The following FAP variants were observed in gnomAD, a reference collection of about 807,000 sequenced individuals.
FAP encodes prolyl endopeptidase FAP.
Under a neutral mutation model 126.5 loss-of-function variants are expected in FAP, and 110 were observed. That is an observed-to-expected ratio of 0.87 (90% CI 0.74 to 1.02). The LOEUF (loss-of-function observed/expected upper bound fraction) is 1.02, where lower values mean the gene tolerates loss of function less well. Among genes scored for constraint, FAP ranks in the 50% least tolerant of loss-of-function variants. The pLI is 0.00. For synonymous variants in FAP, 334 were observed against 297.3 expected, an observed-to-expected ratio of 1.12 and a Z score of -1.27; for missense variants, 919 against 909.2, an observed-to-expected ratio of 1.01 and a Z score of -0.14.
intron 2 of FAP, among the ~76,000 whole-genome samples, chr2:162,229,418 A>G (rs1170836240): frequency 1.3e-5 from 2 of 152,164 alleles, no homozygotes; most frequent in African/African-American, 4.8e-5. Context: ...TTTGAGAAAC[A>G]CAGTTCCAGA....
intron 21 of FAP, among the ~76,000 whole-genome samples, chr2:162,179,810 A>ATTTT (rs1186933075): frequency 0.038 from 4,114 of 106,900 alleles, 264 homozygotes; most frequent in African/African-American, 0.12. Flanking sequence ...ATATATATAT[A>ATTTT]TATTTTTTTT....
At chr2:162,174,061 C>A (rs1687402657) in intron 22 of FAP, among the ~76,000 whole-genome samples, 2 of 152,114 alleles carry the variant, frequency 1.3e-5, no homozygotes, top group Admixed American at 6.6e-5. Flanking sequence ...ATATTTTTCA[C>A]TTCTACCCTC....
chr2:162,227,461 A>G (rs912041115), intron 2 of FAP, among the ~76,000 whole-genome samples: 4 of 152,154 alleles, frequency 2.6e-5, no homozygotes, highest in African/African-American at 9.7e-5. Flanking sequence ...TAATAAGGCA[A>G]CCAAAGCCCA....
At chr2:162,186,756 A>G (rs1687878406) in intron 20 of FAP, among the ~76,000 whole-genome samples, 1 of 152,088 alleles carries the variant, frequency 6.6e-6, no homozygotes, top group African/African-American at 2.4e-5. Flanking sequence ...TTAAATGCAA[A>G]TAGATGTGAG....
In FAP at chr2:162,186,265, T is replaced by C. The variant is rs557704458; in HGVS notation, c.1814+1904A>G. Among the ~76,000 whole-genome samples, 4 of 152,306 alleles carry C rather than the reference T, an allele frequency of 2.6e-5. No individual in the cohort carries two copies. The South Asian group carries it at 8.3e-4, about 32-fold the overall frequency. On this transcript the variant is annotated intron_variant, in intron 20 of 25. Coordinates refer to ENST00000188790, the MANE Select transcript of FAP (RefSeq NM_004460.5). ...TATGGGTGAACATATGTTTTCCCTATAGCAGGAAGACTTTCTTCAGATTCC... is the reference window on the plus strand; with the variant it reads ...TATGGGTGAACATATGTTTTCCCTACAGCAGGAAGACTTTCTTCAGATTCC...
At chr2:162,242,762 A>G (rs1385448967) in intron 2 of FAP, 146 bp downstream of exon 2, 1 of 631,060 alleles carries the variant, frequency 1.6e-6, no homozygotes, top group Non-Finnish European at 2.8e-6. Context: ...ACAACAACAT[A>G]TCTGTGAGCT....
intron 2 of FAP, among the ~76,000 whole-genome samples, chr2:162,239,385 C>G (rs1005691837): frequency 6.6e-6 from 1 of 151,990 alleles, no homozygotes; most frequent in Non-Finnish European, 1.5e-5. Context: ...ATTCCTCCAC[C>G]CTTCAGCTTC....
intron 11 of FAP, 134 bp from the exon 12 acceptor site, chr2:162,210,130 G>T (rs1688865639): frequency 1.4e-6 from 1 of 690,312 alleles, no homozygotes; most frequent in Non-Finnish European, 2.5e-6. Flanking sequence ...TCAAATTTGA[G>T]TTTAAAAGGA....
chr2:162,219,186 A>G lies in FAP; in HGVS notation c.487-3T>C, dbSNP rs746285439. 1 of 1,601,860 alleles carries G rather than the reference A, an allele frequency of 6.2e-7. No individual in the cohort carries two copies. Among genetic ancestry groups the G allele is most frequent in the Non-Finnish European group, 8.5e-7 (1 of 1,174,328 alleles). ...ATATTGTTTTGATAGACATATGCCTAAAAGTGGTGGTAAGGGGAAATTCCA... is the reference window on the plus strand; with the variant it reads ...ATATTGTTTTGATAGACATATGCCTGAAAGTGGTGGTAAGGGGAAATTCCA... On this transcript the variant is annotated splice_polypyrimidine_tract_variant and splice_region_variant and intron_variant, in intron 7 of 25. Coordinates refer to ENST00000188790, the MANE Select transcript of FAP (RefSeq NM_004460.5).
At chr2:162,179,280 G>A (rs1422741101) in intron 21 of FAP, among the ~76,000 whole-genome samples, 2 of 141,536 alleles carry the variant, frequency 1.4e-5, no homozygotes, top group Non-Finnish European at 3.0e-5. Flanking sequence ...TCTTTCTAGA[G>A]CCTATATACA....
intron 21 of FAP, among the ~76,000 whole-genome samples, chr2:162,179,794 A>C (rs6752811): frequency 0.26 from 16,571 of 63,986 alleles, 1,937 homozygotes; most frequent in Admixed American, 0.43. Flanking sequence ...ATCTATCTAT[A>C]TATATATATA....
intron 2 of FAP, among the ~76,000 whole-genome samples, chr2:162,237,462 A>G (rs1288621552): frequency 1.3e-5 from 2 of 152,230 alleles, no homozygotes; most frequent in South Asian, 2.1e-4. Context: ...AAGTGAGAAC[A>G]TGCAGTGTTC....
At chr2:162,221,304 C>A (rs1363725564) in intron 6 of FAP, among the ~76,000 whole-genome samples, 1 of 152,020 alleles carries the variant, frequency 6.6e-6, no homozygotes, top group East Asian at 1.9e-4. Context: ...CTTTGGGCGG[C>A]GGATTTCTTG....
intron 17 of FAP, among the ~76,000 whole-genome samples, chr2:162,191,711 A>G (rs1477798796): frequency 6.6e-6 from 1 of 152,106 alleles, no homozygotes; most frequent in East Asian, 1.9e-4. Flanking sequence ...AGAAAGGCTG[A>G]TTAATAAGGG....
intron 17 of FAP, among the ~76,000 whole-genome samples, chr2:162,192,849 C>T (rs900115412): frequency 1.3e-5 from 2 of 152,180 alleles, no homozygotes; most frequent in Admixed American, 6.5e-5. Context: ...ATTCATGAGT[C>T]TCGGGTTTGT....
chr2:162,190,272 G>A (rs973967308), intron 17 of FAP, among the ~76,000 whole-genome samples: 1 of 151,780 alleles, frequency 6.6e-6, no homozygotes, highest in African/African-American at 2.4e-5. Context: ...CTTTCCTGTT[G>A]TACTTGATTA....
intron 12 of FAP, 34 bp downstream of exon 12, chr2:162,209,918 A>G: frequency 6.3e-7 from 1 of 1,594,962 alleles, no homozygotes. Context: ...GTCAAGTTTC[A>G]TTAAAACATA....
chr2:162,179,816 T>A (rs376263286), intron 21 of FAP, among the ~76,000 whole-genome samples: 1,777 of 145,528 alleles, frequency 0.012, 14 homozygotes, highest in Middle Eastern at 0.032. Flanking sequence ...ATATATATTT[T>A]TTTTTTTTTT....
At chr2:162,186,204 A>G (rs575482642) in intron 20 of FAP, among the ~76,000 whole-genome samples, 44 of 152,268 alleles carry the variant, frequency 2.9e-4, no homozygotes, top group African/African-American at 1.0e-3. Context: ...GCATGTATTA[A>G]TATTAATATT....
Sources: allele counts gnomAD v4.1 joint callset (sites outside exome capture counted in the v4.1 genomes callset), GRCh38; gene constraint gnomAD v4.1.1; transcripts MANE v1.5; gene names NCBI Gene and HGNC (gene_info 2026-07-23, HGNC 2026-07-21).